FLNB: variants seen among roughly 807,000 people sequenced by gnomAD.
The protein encoded by FLNB is filamin-B.
In FLNB, 111 loss-of-function variants were observed where a neutral mutation model predicts 250.6. The observed-to-expected ratio is 0.44, with a 90% CI of 0.38 to 0.52. FLNB has a LOEUF of 0.52. Among genes scored for constraint, FLNB ranks in the 20% least tolerant of loss-of-function variants. The probability of loss-of-function intolerance (pLI) is 0.00; values close to 1 mark genes in which losing one functional copy is unlikely to be tolerated. For missense variants in FLNB, 2,869 were observed against 3,447.8 expected (o/e 0.83, Z 4.20); for synonymous variants, 1,302 against 1,372.1 (o/e 0.95, Z 1.13).
chr3:58,045,777 A>G (rs547461082), intron 1 of FLNB, among the ~76,000 whole-genome samples: 1 of 152,314 alleles, frequency 6.6e-6, no homozygotes, highest in South Asian at 2.1e-4. Context: ...AGGCGGGTGC[A>G]TCACTTGAAG....
At chr3:58,041,818 G>A (rs1367431662) in intron 1 of FLNB, among the ~76,000 whole-genome samples, 2 of 152,112 alleles carry the variant, frequency 1.3e-5, no homozygotes, top group East Asian at 1.9e-4. Context: ...CCTTAGGAGG[G>A]AAGCTTCCCG....
intron 38 of FLNB, chr3:58,152,880 G>A (rs2097347603): frequency 2.2e-6 from 1 of 454,122 alleles, no homozygotes. Flanking sequence ...AGAGTGATGT[G>A]GTCTTGCGTC....
chr3:58,122,191 C>CAA (rs200023047), intron 20 of FLNB, among the ~76,000 whole-genome samples: 1 of 126,834 alleles, frequency 7.9e-6, no homozygotes, highest in Non-Finnish European at 1.7e-5. Context: ...AAAAAAACCA[C>CAA]AAAAAAAAAC....
intron 9 of FLNB, 56 bp downstream of exon 9, chr3:58,102,396 A>G: frequency 1.3e-6 from 2 of 1,584,696 alleles, no homozygotes; most frequent in Non-Finnish European, 1.7e-6. Flanking sequence ...CTTTGCAGCC[A>G]TGGCATATGG....
intron 4 of FLNB, among the ~76,000 whole-genome samples, chr3:58,088,304 TC>T (rs1407741267): frequency 6.6e-6 from 1 of 152,118 alleles, no homozygotes; most frequent in Non-Finnish European, 1.5e-5. Context: ...TGCCTTGGCC[TC>T]CCAAATTGCT....
chr3:58,142,470 C>T lies in FLNB; in HGVS notation c.5182-180C>T, dbSNP rs1282337306. The stretch of plus-strand genomic sequence containing the variant: ...AGTTGGTCAGCATGACCTCTCCAGT[C>T]CCTCAGGTTCTACCCTGGGTCTGGA... On this transcript the variant is annotated intron_variant, in intron 30 of 45. Coordinates refer to ENST00000295956, the MANE Select transcript of FLNB (RefSeq NM_001457.4). The surrounding 1 kb of genome is among the most constrained non-coding windows in gnomAD (Gnocchi z 4.3). Among the ~76,000 whole-genome samples the T allele has an allele frequency of 6.6e-6, 1 of 152,222 alleles. No individual in the cohort carries two copies. The highest frequency in any genetic ancestry group is 1.5e-5 in the Non-Finnish European group (1 of 68,038).
intron 33 of FLNB, 147 bp downstream of exon 33, chr3:58,146,196 T>A (rs2097335586): frequency 2.1e-6 from 2 of 937,370 alleles, no homozygotes; most frequent in African/African-American, 1.6e-5. Context: ...GTTTCTTCTT[T>A]AGAGCCGCTT....
chr3:58,065,622 G>A (rs1391034846), intron 1 of FLNB, among the ~76,000 whole-genome samples: 9 of 152,218 alleles, frequency 5.9e-5, no homozygotes, highest in South Asian at 2.1e-4. Context: ...GGAAGAGAGC[G>A]AGCTGCCATT....
intron 1 of FLNB, among the ~76,000 whole-genome samples, chr3:58,037,773 T>G (rs1444993418): frequency 6.6e-6 from 1 of 151,218 alleles, no homozygotes; most frequent in Non-Finnish European, 1.5e-5. Flanking sequence ...TTTGTGAATG[T>G]TTTTTTTCTT....
chr3:58,165,313 A>G (rs961604536), intron 43 of FLNB: 2 of 152,210 alleles, frequency 1.3e-5, no homozygotes, highest in African/African-American at 2.4e-5. Flanking sequence ...CGCTGCTGAG[A>G]GAAGGAGTTG....
At position 58,008,797 on chromosome 3, in the gene FLNB, A is replaced by G. The variant is rs756221503; in HGVS notation, c.233A>G (p.Glu78Gly). Residue 78 changes from glutamate to glycine, a missense_variant, in exon 1 of 46, where the codon GAG becomes GGG. This residue lies in a region of FLNB where 308 missense variants were observed against 466.1 expected (regional missense o/e 0.66). Coordinates refer to ENST00000295956, the MANE Select transcript of FLNB (RefSeq NM_001457.4). ...QRPTFRQMQLENVSVALEFLD... is the reference protein window; with the variant it reads ...QRPTFRQMQLGNVSVALEFLD... ...CCCACCTTTCGCCAGATGCAGCTCGAGAATGTGTCCGTGGCGCTCGAGTTC... is the reference window on the plus strand; with the variant it reads ...CCCACCTTTCGCCAGATGCAGCTCGGGAATGTGTCCGTGGCGCTCGAGTTC... 33 of 1,613,830 alleles carry G rather than the reference A, an allele frequency of 2.0e-5. No individual in the cohort carries two copies. The highest frequency in any genetic ancestry group is 1.1e-5 in the Non-Finnish European group (13 of 1,179,968).
chr3:58,046,281 T>G (rs1044601076), intron 1 of FLNB, among the ~76,000 whole-genome samples: 1 of 151,972 alleles, frequency 6.6e-6, no homozygotes, highest in African/African-American at 2.4e-5. Flanking sequence ...CTAGGAAGAA[T>G]AAGAGCTTGC....
intron 43 of FLNB, chr3:58,166,032 T>C (rs2097369813): frequency 6.6e-6 from 1 of 152,126 alleles, no homozygotes; most frequent in South Asian, 2.1e-4. Context: ...GGACAGACTT[T>C]ATGTTTAAAT....
In FLNB at chr3:58,063,163, C is replaced by A. The variant is rs144612862; in HGVS notation, c.293-13883C>A. ...AGGCTTCTCTGACGCCCCAGCAGGA[C>A]GTCTGAACTTCTAGCTGCCCCATCA... On this transcript the variant is annotated intron_variant, in intron 1 of 45. Transcript: ENST00000295956. Among the ~76,000 whole-genome samples, 901 of 152,296 alleles carry A rather than the reference C, an allele frequency of 5.9e-3. 2 individuals are homozygous for A. The highest frequency in any genetic ancestry group is 8.7e-3 in the Non-Finnish European group (591 of 68,022).
chr3:58,008,606 G>A lies in FLNB; in HGVS notation c.42G>A (p.Trp14Ter), dbSNP rs2097093758. The change falls in exon 1 of 46, where the codon TGG (tryptophan) becomes TGA (stop). Residue 14 changes from tryptophan to a stop codon, truncating the protein, a stop_gained. Transcript: ENST00000295956. LOFTEE classifies it high-confidence loss of function. ...AGGATCTAGCTGAGGACGCGCCTTG[G>A]AAGAAGATCCAGCAGAACACGTTCA... ...TEKDLAEDAP[W>*]KKIQQNTFTR... is the part of the protein sequence containing the mutation. 2.5e-6 allele frequency: 4 copies of A among 1,612,060 alleles called. No individual in the cohort carries two copies. Among genetic ancestry groups the A allele is most frequent in the Admixed American group, 1.7e-5 (1 of 59,664 alleles).
intron 33 of FLNB, chr3:58,146,550 C>T (rs2097336104): frequency 2.1e-6 from 1 of 481,224 alleles, no homozygotes; most frequent in African/African-American, 2.0e-5. Flanking sequence ...CGGCTCCTTC[C>T]TTTTCTCATC....
At chr3:58,168,783 T>A in intron 44 of FLNB, 125 bp downstream of exon 44, 1 of 753,212 alleles carries the variant, frequency 1.3e-6, no homozygotes, top group Non-Finnish European at 2.4e-6. Context: ...TGAATGTCAG[T>A]AAATAGTATG....
intron 18 of FLNB, among the ~76,000 whole-genome samples, chr3:58,114,326 G>A (rs566273164): frequency 1.8e-4 from 28 of 152,174 alleles, no homozygotes; most frequent in African/African-American, 6.5e-4. Flanking sequence ...TTTCACCATG[G>A]GGTTTCACCA....
At chr3:58,146,661 C>T in intron 33 of FLNB, 159 bp from the exon 34 acceptor site, 1 of 739,038 alleles carries the variant, frequency 1.4e-6, no homozygotes. Context: ...GCGTGGACTG[C>T]TTCATTCTGA....
Sources: gnomAD v4.1 joint callset for allele counts (sites outside exome capture counted in the v4.1 genomes callset) on GRCh38, gnomAD v4.1.1 for gene constraint, gnomAD v4.1.1 regional missense constraint, Gnocchi (gnomAD v3.1) non-coding constraint, MANE v1.5 for transcripts, NCBI Gene and HGNC (gene_info 2026-07-23, HGNC 2026-07-21) for gene names.